XPO4: variants seen among roughly 807,000 people sequenced by gnomAD.
The protein encoded by XPO4 is exportin-4.
Under a neutral mutation model 143.0 loss-of-function variants are expected in XPO4, and 39 were observed. The ratio of observed to expected loss-of-function variants is 0.27; its 90% CI spans 0.21 to 0.36. The LOEUF (loss-of-function observed/expected upper bound fraction) is 0.36. XPO4 is among the 10% of genes least tolerant of loss of function. The probability of loss-of-function intolerance (pLI) is 1.00; values close to 1 mark genes in which losing one functional copy is unlikely to be tolerated. For synonymous variants in XPO4, 439 were observed against 474.0 expected, an observed-to-expected ratio of 0.93 and a Z score of 0.96; for missense variants, 907 against 1,348.0, an observed-to-expected ratio of 0.67 and a Z score of 5.12.
intron 3 of XPO4, among the ~76,000 whole-genome samples, chr13:20,860,924 A>AT (rs68131843): frequency 0.064 from 9,442 of 147,050 alleles, 680 homozygotes; most frequent in African/African-American, 0.18. Flanking sequence ...TCTCTCCTGT[A>AT]TTTTTTTTTT....
In XPO4 at chr13:20,890,941, C is replaced by T. The variant is rs942561859; in HGVS notation, c.69+11729G>A. On this transcript the variant is annotated intron_variant, in intron 1 of 22. Coordinates refer to ENST00000255305, the MANE Select transcript of XPO4 (RefSeq NM_022459.5). The stretch of plus-strand genomic sequence containing the variant: ...TGACCGGACCAACATAGAGAAACCC[C>T]GTCTCTACTAAAAATACAAAATTAG... Among the ~76,000 whole-genome samples the T allele has an allele frequency of 5.9e-5, 9 of 151,452 alleles. No individual in the cohort carries two copies. The Middle Eastern group carries it at 0.014, about 234-fold the overall frequency.
At chr13:20,886,495 C>A (rs557727482) in intron 1 of XPO4, among the ~76,000 whole-genome samples, 2 of 152,000 alleles carry the variant, frequency 1.3e-5, no homozygotes, top group South Asian at 4.2e-4. Context: ...GCCTGTAATC[C>A]CAGTTACTCG....
At chr13:20,887,462 A>G (rs1337094019) in intron 1 of XPO4, among the ~76,000 whole-genome samples, 1 of 152,228 alleles carries the variant, frequency 6.6e-6, no homozygotes, top group Non-Finnish European at 1.5e-5. Flanking sequence ...TATTTCATAA[A>G]CCAAATCCAA....
chr13:20,865,916 G>A (rs1009148030), intron 2 of XPO4, among the ~76,000 whole-genome samples: 3 of 152,178 alleles, frequency 2.0e-5, no homozygotes, highest in African/African-American at 7.2e-5. Context: ...TTCCAGAGGT[G>A]TAAAAGTTTA....
intron 1 of XPO4, among the ~76,000 whole-genome samples, chr13:20,880,694 C>T (rs2060400437): frequency 6.6e-6 from 1 of 151,990 alleles, no homozygotes. Flanking sequence ...CAGTGGCTCA[C>T]ACCTGAAATC....
In XPO4 at chr13:20,799,244, T is replaced by C; in HGVS notation, c.2243A>G (p.Gln748Arg). Residue 748 changes from glutamine to arginine, a missense_variant, in exon 16 of 23, where the codon CAG becomes CGG. Physicochemically the swap from Gln to Arg is conservative, Grantham distance 43. Transcript: ENST00000255305. ...GACTAGAGCCTTCATCAATGTCCTC[T>C]GCACAGGACTTGACAAGAAATTAAG... is the stretch of plus-strand genomic sequence containing the variant. ...PPLNFLSSPV[Q>R]RTLMKALVLG... 1.9e-6 allele frequency: 3 copies of C among 1,613,958 alleles called. No individual in the cohort carries two copies. Among genetic ancestry groups the C allele is most frequent in the East Asian group, 2.2e-5 (1 of 44,890 alleles).
intron 1 of XPO4, among the ~76,000 whole-genome samples, chr13:20,880,065 G>C (rs982380868): frequency 1.3e-5 from 2 of 152,148 alleles, no homozygotes; most frequent in Non-Finnish European, 2.9e-5. Flanking sequence ...AACAAGTGTT[G>C]ATGAGGATGT....
intron 18 of XPO4, 87 bp downstream of exon 18, chr13:20,795,989 T>C: frequency 7.5e-7 from 1 of 1,334,226 alleles, no homozygotes; most frequent in Non-Finnish European, 1.0e-6. Flanking sequence ...AATTTCCTCA[T>C]GAGATGTCTC....
chr13:20,900,661 G>A (rs1392908965), intron 1 of XPO4, among the ~76,000 whole-genome samples: 2 of 150,412 alleles, frequency 1.3e-5, no homozygotes, highest in African/African-American at 4.9e-5. Context: ...CGCCCAGACT[G>A]GAGTGCAGCA....
intron 7 of XPO4, among the ~76,000 whole-genome samples, chr13:20,823,702 AGTGCAATG>A (rs2059749006): frequency 6.6e-6 from 1 of 151,866 alleles, no homozygotes; most frequent in African/African-American, 2.4e-5. Flanking sequence ...CCCAGGCTGG[AGTGCAATG>A]GTGCAATCTC....
intron 6 of XPO4, among the ~76,000 whole-genome samples, chr13:20,840,703 G>A (rs553632731): frequency 6.6e-6 from 1 of 152,228 alleles, no homozygotes; most frequent in East Asian, 1.9e-4. Context: ...TTTCCCTAAT[G>A]AGTGCTAAAT....
At chr13:20,892,461 C>T (rs1021137875) in intron 1 of XPO4, among the ~76,000 whole-genome samples, 2 of 152,032 alleles carry the variant, frequency 1.3e-5, no homozygotes, top group African/African-American at 4.8e-5. Context: ...CCTCTATTTC[C>T]CTAGTCTCAT....
At chr13:20,841,055 T>C (rs532124751) in intron 6 of XPO4, among the ~76,000 whole-genome samples, 1 of 152,346 alleles carries the variant, frequency 6.6e-6, no homozygotes, top group East Asian at 1.9e-4. Context: ...GAACTATTTC[T>C]TTTTATAAAA....
At chr13:20,901,585 C>G (rs1419555747) in intron 1 of XPO4, among the ~76,000 whole-genome samples, 34 of 152,160 alleles carry the variant, frequency 2.2e-4, no homozygotes, top group Admixed American at 2.2e-3. Flanking sequence ...CATAATGAAG[C>G]AAGTAAATCC....
chr13:20,884,985 C>T (rs570003292), intron 1 of XPO4, among the ~76,000 whole-genome samples: 60 of 152,062 alleles, frequency 3.9e-4, no homozygotes, highest in African/African-American at 1.3e-3. Context: ...TTTTTTGAGA[C>T]GGAGTTTCCC....
At chr13:20,827,903 C>T (rs184704525) in intron 6 of XPO4, among the ~76,000 whole-genome samples, 22 of 152,138 alleles carry the variant, frequency 1.4e-4, no homozygotes, top group African/African-American at 4.8e-4. Flanking sequence ...TTTATGAATA[C>T]GATTCATTGA....
At chr13:20,821,626 T>A (rs1233042919) in intron 9 of XPO4, 78 bp downstream of exon 9, 2 of 1,441,286 alleles carry the variant, frequency 1.4e-6, no homozygotes, top group African/African-American at 2.9e-5. Flanking sequence ...AATAATTACT[T>A]GTCATGAGAA....
intron 6 of XPO4, among the ~76,000 whole-genome samples, chr13:20,837,915 G>C (rs894134679): frequency 1.3e-5 from 2 of 152,086 alleles, no homozygotes; most frequent in Non-Finnish European, 2.9e-5. Context: ...GGAATTATGG[G>C]AGTACAATTC....
intron 2 of XPO4, among the ~76,000 whole-genome samples, chr13:20,863,322 T>A (rs1022113493): frequency 1.3e-5 from 2 of 152,194 alleles, no homozygotes; most frequent in African/African-American, 4.8e-5. Flanking sequence ...TTCAGCAGGA[T>A]GACCCATCTC....
Sources: gnomAD v4.1 joint callset for allele counts (sites outside exome capture counted in the v4.1 genomes callset) on GRCh38, gnomAD v4.1.1 for gene constraint, MANE v1.5 for transcripts, NCBI Gene and HGNC (gene_info 2026-07-23, HGNC 2026-07-21) for gene names.